ZFPM2: variants seen among roughly 807,000 people sequenced by gnomAD.
ZFPM2 encodes the protein zinc finger protein ZFPM2.
In ZFPM2, 20 loss-of-function variants were observed where a neutral mutation model predicts 98.6. That is an observed-to-expected ratio of 0.20 (90% CI 0.14 to 0.29). The LOEUF (loss-of-function observed/expected upper bound fraction) is 0.29, where lower values mean the gene tolerates loss of function less well. Ranked by LOEUF, ZFPM2 falls within the 10% of genes least tolerant of loss-of-function variation. The pLI is 1.00. For synonymous variants in ZFPM2, 518 were observed against 502.7 expected (o/e 1.03, Z -0.41); for missense variants, 1,310 against 1,388.6 (o/e 0.94, Z 0.90).
intron 5 of ZFPM2, among the ~76,000 whole-genome samples, chr8:105,723,129 C>T (rs1344149951): frequency 6.6e-6 from 1 of 151,802 alleles, no homozygotes. Flanking sequence ...CTCCAAGATC[C>T]ATATCATAAA....
intron 1 of ZFPM2, among the ~76,000 whole-genome samples, chr8:105,338,532 T>C (rs370221748): frequency 6.6e-6 from 1 of 151,894 alleles, no homozygotes; most frequent in East Asian, 1.9e-4. Context: ...TTTAAAAGTC[T>C]CAGTTAAATA....
chr8:105,442,647 A>G (rs898557223), intron 2 of ZFPM2, among the ~76,000 whole-genome samples: 1 of 152,220 alleles, frequency 6.6e-6, no homozygotes, highest in Non-Finnish European at 1.5e-5. Context: ...AATATCCACT[A>G]GAATCCGTGC....
chr8:105,788,014 C>T (rs1177465661), intron 5 of ZFPM2, among the ~76,000 whole-genome samples: 1 of 152,072 alleles, frequency 6.6e-6, no homozygotes, highest in African/African-American at 2.4e-5. Flanking sequence ...CTAAACAAAT[C>T]TTTATTTAAA....
At chr8:105,353,225 C>A (rs182278288) in intron 1 of ZFPM2, among the ~76,000 whole-genome samples, 3 of 152,220 alleles carry the variant, frequency 2.0e-5, no homozygotes, top group South Asian at 2.1e-4. Context: ...GGGATCCCCC[C>A]ACCCCATACT....
rs1219319742 is a variant in ZFPM2 at position 105,741,137 on chromosome 8, A to C, written c.533-47581A>C. On this transcript the variant is annotated intron_variant, in intron 5 of 7. Coordinates refer to ENST00000407775, the MANE Select transcript of ZFPM2 (RefSeq NM_012082.4). ...AGCAGTCAGTGAAGGTAGAAGGAAC[A>C]CCAGAGAAGTGTGCAGAGGAGCCAA... Among the ~76,000 whole-genome samples, 4 of 152,064 alleles carry C rather than the reference A, an allele frequency of 2.6e-5. No homozygotes were observed. The East Asian group carries it at 7.8e-4, about 29-fold the overall frequency.
chr8:105,429,190 C>T (rs1464785697), intron 2 of ZFPM2, among the ~76,000 whole-genome samples: 1 of 152,038 alleles, frequency 6.6e-6, no homozygotes, highest in Non-Finnish European at 1.5e-5. Flanking sequence ...TAGCTCAAGA[C>T]ACTGTATTTT....
At chr8:105,424,165 T>A (rs1287772148) in intron 2 of ZFPM2, among the ~76,000 whole-genome samples, 1 of 152,070 alleles carries the variant, frequency 6.6e-6, no homozygotes, top group African/African-American at 2.4e-5. Flanking sequence ...AAAACAAAGA[T>A]AACCCCAAAG....
chr8:105,799,098 A>C, intron 7 of ZFPM2, 150 bp downstream of exon 7: 1 of 696,418 alleles, frequency 1.4e-6, no homozygotes, highest in Non-Finnish European at 2.3e-6. Flanking sequence ...GTGTGATCTT[A>C]TGCCACTTAT....
rs533649294 is a variant in ZFPM2, at chr8:105,359,232, C to G, written c.40+40251C>G. Among the ~76,000 whole-genome samples the G allele has an allele frequency of 2.0e-5, 3 of 152,266 alleles. No individual in the cohort carries two copies. In the East Asian group the frequency reaches 5.8e-4, roughly 29 times the overall value. The stretch of plus-strand genomic sequence containing the variant: ...TTGCCTGCCACCATGTAAGACATGC[C>G]TGCTTCCCCTTCTGCAATGATTGTA... On this transcript the variant is annotated intron_variant, in intron 1 of 7. Coordinates refer to ENST00000407775, the MANE Select transcript of ZFPM2 (RefSeq NM_012082.4).
At chr8:105,419,099 C>T (rs1349107303) in intron 1 of ZFPM2, 45 bp from the exon 2 acceptor site, 2 of 1,586,250 alleles carry the variant, frequency 1.3e-6, no homozygotes, top group Non-Finnish European at 1.7e-6. Context: ...ATTTCACTGT[C>T]TTCCTTGCAT....
intron 1 of ZFPM2, among the ~76,000 whole-genome samples, chr8:105,371,160 C>T (rs1810615053): frequency 6.6e-6 from 1 of 152,110 alleles, no homozygotes; most frequent in Admixed American, 6.5e-5. Flanking sequence ...ATTCTTGTTT[C>T]TCTGTGTGTG....
intron 1 of ZFPM2, among the ~76,000 whole-genome samples, chr8:105,405,621 A>G (rs1186103164): frequency 6.6e-6 from 1 of 151,872 alleles, no homozygotes; most frequent in Non-Finnish European, 1.5e-5. Context: ...ATCATTTTTT[A>G]TGGCTGCATA....
intron 4 of ZFPM2, among the ~76,000 whole-genome samples, chr8:105,578,452 G>C (rs1815515950): frequency 6.6e-6 from 1 of 152,006 alleles, no homozygotes; most frequent in South Asian, 2.1e-4. Context: ...CCAGTGAACT[G>C]AATATCTTTT....
At chr8:105,610,203 C>T (rs1298996590) in intron 4 of ZFPM2, among the ~76,000 whole-genome samples, 2 of 152,134 alleles carry the variant, frequency 1.3e-5, no homozygotes, top group Non-Finnish European at 1.5e-5. Flanking sequence ...CAGGCTGTAT[C>T]TTTTCCGTTT....
intron 2 of ZFPM2, among the ~76,000 whole-genome samples, chr8:105,426,580 A>G (rs1811916329): frequency 6.6e-6 from 1 of 152,154 alleles, no homozygotes; most frequent in African/African-American, 2.4e-5. Context: ...TTTTAAAATT[A>G]TTAGTTTTTC....
At chr8:105,744,391 C>T (rs1041758459) in intron 5 of ZFPM2, among the ~76,000 whole-genome samples, 16 of 152,106 alleles carry the variant, frequency 1.1e-4, no homozygotes, top group Admixed American at 7.9e-4. Flanking sequence ...ACATCTCTTG[C>T]TTATCACATA....
At chr8:105,704,099 G>A (rs2076502454) in intron 5 of ZFPM2, among the ~76,000 whole-genome samples, 1 of 87,440 alleles carries the variant, frequency 1.1e-5, no homozygotes, top group African/African-American at 4.7e-5. Context: ...TGACCACAGG[G>A]AAAACACCAA....
chr8:105,621,303 T>C (rs2130817121), intron 4 of ZFPM2, among the ~76,000 whole-genome samples: 2 of 152,252 alleles, frequency 1.3e-5, no homozygotes, highest in East Asian at 3.9e-4. Context: ...TGAATGGGAG[T>C]TCACTCATGA....
At chr8:105,628,612 G>A (rs1233913694) in intron 4 of ZFPM2, among the ~76,000 whole-genome samples, 1 of 152,172 alleles carries the variant, frequency 6.6e-6, no homozygotes, top group Non-Finnish European at 1.5e-5. Context: ...CTGGATGTTG[G>A]AGAGAAGCAG....
Sources: allele counts gnomAD v4.1 joint callset (sites outside exome capture counted in the v4.1 genomes callset), GRCh38; gene constraint gnomAD v4.1.1; transcripts MANE v1.5; gene names NCBI Gene and HGNC (gene_info 2026-07-23, HGNC 2026-07-21).